Variants in PBX1 observed in about 807,000 individuals in gnomAD.
The protein encoded by PBX1 is pre-B-cell leukemia transcription factor 1.
A neutral mutation model predicts 53.4 loss-of-function variants in PBX1; 6 were observed. The observed-to-expected ratio is 0.11, with a 90% CI of 0.06 to 0.22. PBX1 has a LOEUF of 0.22. Ranked by LOEUF, PBX1 falls within the 10% of genes least tolerant of loss-of-function variation. The pLI is 1.00. For missense variants in PBX1, 251 were observed against 551.4 expected (o/e 0.46, Z 5.46); for synonymous variants, 204 against 212.3 (o/e 0.96, Z 0.34).
chr1:164,868,176 A>G (rs1672264064), intron 2 of PBX1, among the ~76,000 whole-genome samples: 1 of 152,168 alleles, frequency 6.6e-6, no homozygotes, highest in Non-Finnish European at 1.5e-5. Context: ...GAAAATGGCT[A>G]ATGGTTTCCA....
intron 2 of PBX1, among the ~76,000 whole-genome samples, chr1:164,653,345 C>T (rs1177599199): frequency 2.0e-5 from 3 of 148,828 alleles, no homozygotes; most frequent in Non-Finnish European, 4.4e-5. Context: ...TCCAGTCTCA[C>T]TTGTTTTTTT....
Position 164,559,617 on chromosome 1 carries a change from C to T in PBX1, c.-206C>T, listed in dbSNP as rs1413886501. 1.7e-5 allele frequency: 6 copies of T among 347,388 alleles called. No individual in the cohort carries two copies. In the Admixed American group the frequency reaches 1.9e-4, roughly 11 times the overall value. The allele number at this position is 347,388 out of a possible 1,614,324, so 21.5% of individuals were successfully genotyped here. ...TCACCCCGCAACCCCTTCACGCCCC[C>T]TCCCCCTCCCCCTCCTCATCCTCCC... On this transcript the variant is annotated 5_prime_UTR_variant, in exon 1 of 9. Coordinates refer to ENST00000420696, the MANE Select transcript of PBX1 (RefSeq NM_002585.4).
chr1:164,566,596 G>A (rs1653449816), intron 2 of PBX1, among the ~76,000 whole-genome samples: 1 of 152,038 alleles, frequency 6.6e-6, no homozygotes, highest in African/African-American at 2.4e-5. Context: ...TATATATGGT[G>A]GTAATGGGGT....
At chr1:164,773,469 A>G (rs536044006) in intron 2 of PBX1, among the ~76,000 whole-genome samples, 8 of 152,270 alleles carry the variant, frequency 5.3e-5, no homozygotes, top group African/African-American at 1.2e-4. Flanking sequence ...TGCACTTATC[A>G]GTTGTTTGAG....
At chr1:164,633,108 G>A (rs1238778844) in intron 2 of PBX1, among the ~76,000 whole-genome samples, 1 of 151,770 alleles carries the variant, frequency 6.6e-6, no homozygotes, top group East Asian at 1.9e-4. Context: ...AATGGATGAT[G>A]TTACTGACTT....
Position 164,821,538 on chromosome 1 carries a change from T to G in PBX1, c.1112T>G (p.Val371Gly), listed in dbSNP as rs1670153876. The change falls in exon 8 of 9, where the codon GTG becomes GGG. Residue 371 changes from valine to glycine, a missense_variant and splice_region_variant. Transcript: ENST00000420696. ...AQVGANVQSQ[V>G]DTLRHVISQT... ...CTCTGTTATTGTTCATCTGTTTAGG[T>G]GGATACCCTTCGCCATGTTATCAGC... The G allele has an allele frequency of 6.2e-7, 1 of 1,612,870 alleles. No homozygotes were observed. Among genetic ancestry groups the G allele is most frequent in the Non-Finnish European group, 8.5e-7 (1 of 1,178,912 alleles).
intron 2 of PBX1, among the ~76,000 whole-genome samples, chr1:164,761,240 T>A (rs1666796337): frequency 6.6e-6 from 1 of 152,164 alleles, no homozygotes. Flanking sequence ...TAAATCAATA[T>A]ATAAAAATAG....
chr1:164,633,932 G>A (rs1658578508), intron 2 of PBX1, among the ~76,000 whole-genome samples: 1 of 152,118 alleles, frequency 6.6e-6, no homozygotes, highest in African/African-American at 2.4e-5. Context: ...TCCAGCAGTG[G>A]CCTTGAGCTA....
chr1:164,667,348 ATATATAATATAATC>A (rs1305511503), intron 2 of PBX1, among the ~76,000 whole-genome samples: 5 of 151,338 alleles, frequency 3.3e-5, no homozygotes, highest in Non-Finnish European at 7.4e-5. Context: ...ATACACACAA[ATATATAATATAATC>A]TATATAATAT....
At chr1:164,600,858 C>A (rs889159333) in intron 2 of PBX1, among the ~76,000 whole-genome samples, 2 of 152,202 alleles carry the variant, frequency 1.3e-5, no homozygotes, top group African/African-American at 4.8e-5. Context: ...AAACAACTCA[C>A]TTCTAATGGG....
intron 2 of PBX1, among the ~76,000 whole-genome samples, chr1:164,650,063 C>A (rs1659694914): frequency 1.3e-5 from 2 of 152,106 alleles, no homozygotes; most frequent in African/African-American, 4.8e-5. Context: ...TAACTCTGGC[C>A]ATGTGGATCT....
chr1:164,606,566 ACT>A (rs905238623), intron 2 of PBX1, among the ~76,000 whole-genome samples: 1 of 152,036 alleles, frequency 6.6e-6, no homozygotes, highest in African/African-American at 2.4e-5. Flanking sequence ...ACAGAGTGAG[ACT>A]CTGTCTCAAT....
intron 8 of PBX1, among the ~76,000 whole-genome samples, chr1:164,844,356 A>G (rs1462175566): frequency 6.6e-6 from 1 of 151,854 alleles, no homozygotes; most frequent in African/African-American, 2.4e-5. Flanking sequence ...CCCTACAGAT[A>G]CACTCCTGCC....
intron 2 of PBX1, among the ~76,000 whole-genome samples, chr1:164,874,308 C>T (rs532572189): frequency 3.9e-4 from 60 of 152,294 alleles, no homozygotes; most frequent in African/African-American, 1.4e-3. Flanking sequence ...GACTTCGCTT[C>T]GCCATTTCTC....
intron 2 of PBX1, among the ~76,000 whole-genome samples, chr1:164,579,506 C>T (rs1197565353): frequency 6.6e-6 from 1 of 152,170 alleles, no homozygotes. Context: ...GAAATAGCTG[C>T]CTGTCTCTTT....
In PBX1 at chr1:164,588,493, TTTTTTTTA is replaced by T. The variant is rs1455122106; in HGVS notation, c.265+25183_265+25190del. 4.8e-5 allele frequency among the ~76,000 whole-genome samples: 7 copies of T among 146,062 alleles called. No individual in the cohort carries two copies. The South Asian group carries it at 6.6e-4, about 14-fold the overall frequency. On this transcript the variant is annotated intron_variant, in intron 2 of 8. Coordinates refer to ENST00000420696, the MANE Select transcript of PBX1 (RefSeq NM_002585.4). ...CTAAGCTTTTTTTTTTTTTTTTTTT[TTTTTTTTA>T]GTTTCGAAGCATATGGTGAAGTGTG...
At chr1:164,813,198 G>C (rs1210036499) in intron 6 of PBX1, 1 of 152,194 alleles carries the variant, frequency 6.6e-6, no homozygotes. Flanking sequence ...GATGTCTTCT[G>C]TGAGCTTCCA....
intron 2 of PBX1, among the ~76,000 whole-genome samples, chr1:164,665,145 G>A (rs1420730360): frequency 1.3e-5 from 2 of 152,078 alleles, no homozygotes; most frequent in Non-Finnish European, 1.5e-5. Flanking sequence ...CTTGTACATT[G>A]GCAACATAGC....
intron 2 of PBX1, among the ~76,000 whole-genome samples, chr1:164,658,380 G>C (rs1013543989): frequency 6.6e-6 from 1 of 152,064 alleles, no homozygotes; most frequent in African/African-American, 2.4e-5. Flanking sequence ...GTGGTCGTAG[G>C]GATTTCTGGC....
Sources: allele counts gnomAD v4.1 joint callset (sites outside exome capture counted in the v4.1 genomes callset), GRCh38; gene constraint gnomAD v4.1.1; transcripts MANE v1.5; gene names NCBI Gene and HGNC (gene_info 2026-07-23, HGNC 2026-07-21).